FHOD3: variants seen among roughly 807,000 people sequenced by gnomAD.
FHOD3 encodes the protein formin homology 2 domain containing 3.
FHOD3 carries 90 observed loss-of-function variants against 173.0 expected under a neutral mutation model. That is an observed-to-expected ratio of 0.52 (90% CI 0.44 to 0.62). The LOEUF (loss-of-function observed/expected upper bound fraction) is 0.62. Ranked by LOEUF, FHOD3 falls within the 20% of genes least tolerant of loss-of-function variation. The pLI is 0.00. For synonymous variants in FHOD3, 828 were observed against 823.0 expected (o/e 1.01, Z -0.10); for missense variants, 1,945 against 2,034.7 (o/e 0.96, Z 0.85).
At chr18:36,629,366 A>G (rs1364477356) in intron 10 of FHOD3, among the ~76,000 whole-genome samples, 1 of 152,218 alleles carries the variant, frequency 6.6e-6, no homozygotes, top group Non-Finnish European at 1.5e-5. Flanking sequence ...ACATGTCATG[A>G]AATATTATTC....
chr18:36,664,914 A>T (rs991004835), intron 14 of FHOD3, among the ~76,000 whole-genome samples: 1 of 151,966 alleles, frequency 6.6e-6, no homozygotes, highest in African/African-American at 2.4e-5. Flanking sequence ...AGGTGGAAGG[A>T]TTGCTTGAGA....
chr18:36,452,493 G>A (rs936785350), intron 3 of FHOD3, among the ~76,000 whole-genome samples: 1 of 152,168 alleles, frequency 6.6e-6, no homozygotes, highest in Admixed American at 6.5e-5. Flanking sequence ...AATTGTTTCT[G>A]TGTACAGTAC....
intron 13 of FHOD3, among the ~76,000 whole-genome samples, chr18:36,654,713 G>A (rs2036292380): frequency 6.6e-6 from 1 of 152,056 alleles, no homozygotes; most frequent in South Asian, 2.1e-4. Flanking sequence ...GTTTTTCCCT[G>A]GATAAATAAA....
chr18:36,730,468 A>G (rs2041299820), intron 19 of FHOD3, among the ~76,000 whole-genome samples, 178 bp from the exon 20 acceptor site: 1 of 152,196 alleles, frequency 6.6e-6, no homozygotes, highest in African/African-American at 2.4e-5. Flanking sequence ...CAAGCTTGGC[A>G]GCATCTCAGA....
rs187731723 is a variant in FHOD3, at chr18:36,759,106, C to T, written c.4426-12C>T. 1.1e-4 allele frequency: 164 copies of T among 1,535,890 alleles called. 1 individual carries two copies. The East Asian group carries it at 3.5e-3, about 32-fold the overall frequency. On this transcript the variant is annotated splice_polypyrimidine_tract_variant and intron_variant, in intron 25 of 28. Coordinates refer to ENST00000590592, the MANE Select transcript of FHOD3 (RefSeq NM_001281740.3). ...TCTTTTCCGTCCTGTCCTGTCCTGT[C>T]CTCTCGGGTAGACTGATGAGGAGGA...
intron 1 of FHOD3, among the ~76,000 whole-genome samples, chr18:36,298,803 T>G (rs1227154164): frequency 6.6e-6 from 1 of 152,008 alleles, no homozygotes; most frequent in African/African-American, 2.4e-5. Flanking sequence ...TAAAACCTTT[T>G]GCAGGAGGAT....
At chr18:36,519,395 G>T (rs1042633258) in intron 5 of FHOD3, among the ~76,000 whole-genome samples, 3 of 152,196 alleles carry the variant, frequency 2.0e-5, no homozygotes, top group Non-Finnish European at 4.4e-5. Context: ...GATCTGCCAA[G>T]GTCAGTGGGG....
At chr18:36,746,134 C>T (rs2042146529) in intron 23 of FHOD3, among the ~76,000 whole-genome samples, 2 of 152,124 alleles carry the variant, frequency 1.3e-5, no homozygotes, top group Admixed American at 6.5e-5. Context: ...TAGAAAACCT[C>T]ATCTCAGTCT....
chr18:36,338,069 A>G lies in FHOD3; in HGVS notation c.166-17470A>G, dbSNP rs141432313. ...TTACTAAGGGAACGGAGTAGAGTCA[A>G]TTACACTGCTGGTTTCATGCTGCTG... On this transcript the variant is annotated intron_variant, in intron 1 of 28. Transcript: ENST00000590592. Among the ~76,000 whole-genome samples, 19 of 152,338 alleles carry G rather than the reference A, an allele frequency of 1.2e-4. No homozygotes were observed. In the East Asian group the frequency reaches 2.9e-3, roughly 23 times the overall value.
At chr18:36,299,672 C>G (rs1417941819) in intron 1 of FHOD3, among the ~76,000 whole-genome samples, 1 of 152,112 alleles carries the variant, frequency 6.6e-6, no homozygotes, top group Non-Finnish European at 1.5e-5. Context: ...TCCTCCACTG[C>G]CCCCCTCCTC....
intron 3 of FHOD3, among the ~76,000 whole-genome samples, chr18:36,445,683 A>G (rs778212125): frequency 2.6e-5 from 4 of 152,168 alleles, no homozygotes; most frequent in Non-Finnish European, 5.9e-5. Context: ...GCTTTACCTC[A>G]ATATTTGATG....
At chr18:36,346,782 G>T (rs907144166) in intron 1 of FHOD3, among the ~76,000 whole-genome samples, 1 of 152,152 alleles carries the variant, frequency 6.6e-6, no homozygotes, top group Non-Finnish European at 1.5e-5. Flanking sequence ...CCATTTCATG[G>T]CTTCTTATTG....
intron 3 of FHOD3, among the ~76,000 whole-genome samples, chr18:36,468,806 C>A (rs2053105266): frequency 4.6e-5 from 7 of 152,182 alleles, no homozygotes. Context: ...TGAGCCTCTG[C>A]TCCACACCTG....
chr18:36,769,663 T>C (rs1454701303), intron 28 of FHOD3, among the ~76,000 whole-genome samples: 1 of 152,176 alleles, frequency 6.6e-6, no homozygotes. Context: ...TAGGCCTCTC[T>C]CAATTCATAC....
intron 28 of FHOD3, chr18:36,777,787 T>C (rs1407549991): frequency 1.3e-5 from 2 of 152,124 alleles, no homozygotes; most frequent in Non-Finnish European, 2.9e-5. Flanking sequence ...GGCCAAGGGA[T>C]CAGGGGTGGG....
intron 6 of FHOD3, among the ~76,000 whole-genome samples, chr18:36,589,207 A>G (rs1469451684): frequency 6.6e-6 from 1 of 152,234 alleles, no homozygotes; most frequent in Non-Finnish European, 1.5e-5. Flanking sequence ...CCCGTATGCA[A>G]GGGGATTATT....
At position 36,652,748 on chromosome 18, in the gene FHOD3, C is replaced by T; in HGVS notation, c.1465C>T (p.Leu489=). The T allele has an allele frequency of 6.5e-7, 1 of 1,535,950 alleles. No homozygotes were observed. The highest frequency in any genetic ancestry group is 8.7e-7 in the Non-Finnish European group (1 of 1,146,724). ...SGSEATPSAL[L]SPPASAARPS... is the part of the protein sequence containing the mutation. Reference sequence around the variant, plus strand: ...GTCTGAGGCCACCCCATCTGCCCTCCTGTCACCCCCTGCCTCAGCTGCTCG... The same window carrying T: ...GTCTGAGGCCACCCCATCTGCCCTCTTGTCACCCCCTGCCTCAGCTGCTCG... The change falls in exon 12 of 29, where the codon CTG becomes TTG. Residue 489 remains leucine, a synonymous_variant. Transcript: ENST00000590592.
intron 6 of FHOD3, among the ~76,000 whole-genome samples, chr18:36,589,652 C>T (rs1295953107): frequency 1.3e-5 from 2 of 152,218 alleles, no homozygotes; most frequent in African/African-American, 2.4e-5. Flanking sequence ...AGTCCACCCT[C>T]TGCAGGCTCT....
chr18:36,446,212 G>A (rs192551822), intron 3 of FHOD3, among the ~76,000 whole-genome samples: 54 of 152,286 alleles, frequency 3.5e-4, no homozygotes, highest in Non-Finnish European at 5.9e-4. Context: ...CACGGCTGGC[G>A]CTCAGGGATG....
Sources: allele counts gnomAD v4.1 joint callset (sites outside exome capture counted in the v4.1 genomes callset), GRCh38; gene constraint gnomAD v4.1.1; transcripts MANE v1.5; gene names NCBI Gene and HGNC (gene_info 2026-07-23, HGNC 2026-07-21).